The following NRIP1 variants were observed in gnomAD, a reference collection of about 807,000 sequenced individuals.
The protein encoded by NRIP1 is nuclear receptor-interacting protein 1.
NRIP1 carries 28 observed loss-of-function variants against 75.0 expected under a neutral mutation model. The observed-to-expected ratio is 0.37, with a 90% CI of 0.28 to 0.51. The LOEUF (loss-of-function observed/expected upper bound fraction) is 0.51. NRIP1 is among the 20% of genes least tolerant of loss of function. The probability of loss-of-function intolerance (pLI) is 0.92; values close to 1 mark genes in which losing one functional copy is unlikely to be tolerated. For missense variants in NRIP1, 1,435 were observed against 1,343.7 expected (o/e 1.07, Z -1.06); for synonymous variants, 526 against 487.6 (o/e 1.08, Z -1.04).
chr21:15,015,535 A>C lies in NRIP1; in HGVS notation c.-457-1069T>G, dbSNP rs373547038. Among the ~76,000 whole-genome samples the C allele has an allele frequency of 2.2e-4, 34 of 152,308 alleles. No individual in the cohort carries two copies. In the South Asian group the frequency reaches 6.8e-3, roughly 31 times the overall value. On this transcript the variant is annotated intron_variant, in intron 2 of 3. Transcript: ENST00000318948. ...AATATTTAGCCATAAGGATGTTCAA[A>C]ATACATATTATTATATTTGTGCAGT...
intron 2 of NRIP1, among the ~76,000 whole-genome samples, chr21:15,021,291 T>C (rs1275550689): frequency 1.3e-5 from 2 of 152,236 alleles, no homozygotes; most frequent in South Asian, 4.1e-4. Context: ...ATACGAAAGA[T>C]ATCTATATTG....
intron 1 of NRIP1, among the ~76,000 whole-genome samples, chr21:15,046,566 G>T (rs2089080901): frequency 6.6e-6 from 1 of 152,094 alleles, no homozygotes; most frequent in Non-Finnish European, 1.5e-5. Context: ...CCAAACATTG[G>T]TTTCCACTTC....
intron 2 of NRIP1, among the ~76,000 whole-genome samples, chr21:15,030,823 GTA>G (rs755123400): frequency 1.3e-5 from 2 of 151,590 alleles, no homozygotes; most frequent in Non-Finnish European, 2.9e-5. Context: ...CTTTCTATGT[GTA>G]TACACTCTGG....
chr21:14,994,688 A>G (rs2087672804), intron 3 of NRIP1, among the ~76,000 whole-genome samples: 1 of 152,190 alleles, frequency 6.6e-6, no homozygotes, highest in South Asian at 2.1e-4. Context: ...TTTCATTTCA[A>G]AGATACCTTA....
At chr21:15,062,439 G>A (rs903926848) in intron 1 of NRIP1, among the ~76,000 whole-genome samples, 1 of 152,170 alleles carries the variant, frequency 6.6e-6, no homozygotes, top group South Asian at 2.1e-4. Flanking sequence ...AAGATTTCTT[G>A]AATCTCTGAT....
At position 14,966,987 on chromosome 21, in the gene NRIP1, T is replaced by C. The variant is rs187265594; in HGVS notation, c.1206A>G (p.Gly402=). ...PMNGHSHSER[G]SIFEESSTPT... ...GTGTACTACTTTCCTCAAAAATGCTTCCTCTCTCACTGTGACTGTGTCCAT... is the reference window on the plus strand; with the variant it reads ...GTGTACTACTTTCCTCAAAAATGCTCCCTCTCTCACTGTGACTGTGTCCAT... The change falls in exon 4 of 4, where the codon GGA becomes GGG. Residue 402 remains glycine (G), a synonymous_variant. Coordinates refer to ENST00000318948, the MANE Select transcript of NRIP1 (RefSeq NM_003489.4). The C allele has an allele frequency of 2.1e-5, 34 of 1,614,176 alleles. No homozygotes were observed. In the Admixed American group the frequency reaches 3.7e-4, roughly 17 times the overall value.
rs963078603 is a variant in NRIP1 at position 14,961,995 on chromosome 21, A to T, written c.*2721T>A. 4 of 122,928 alleles carry T rather than the reference A, an allele frequency of 3.3e-5. No homozygotes were observed. Among genetic ancestry groups the T allele is most frequent in the South Asian group, 2.4e-4 (1 of 4,120 alleles). The allele number at this position is 122,928 out of a possible 1,614,324, so 7.6% of individuals were successfully genotyped here. A position where few individuals can be genotyped will look rare whatever the true frequency, so the allele number is the denominator to read the frequency against. On this transcript the variant is annotated 3_prime_UTR_variant, in exon 4 of 4. Transcript: ENST00000318948. Reference sequence around the variant, plus strand: ...TTTTAACATCTTCATGTAACAAGTCAATATATATATATATACATATTATAT... The same window carrying T: ...TTTTAACATCTTCATGTAACAAGTCTATATATATATATATACATATTATAT...
chr21:15,024,398 T>A (rs368904767), intron 2 of NRIP1, among the ~76,000 whole-genome samples: 1 of 152,014 alleles, frequency 6.6e-6, no homozygotes, highest in Non-Finnish European at 1.5e-5. Context: ...AAAAATTAGC[T>A]GGGTGTGGTG....
In NRIP1 at chr21:14,967,177, C is replaced by G; in HGVS notation, c.1016G>C (p.Ser339Thr). 1 of 1,614,096 alleles carries G rather than the reference C, an allele frequency of 6.2e-7. No homozygotes were observed. Among genetic ancestry groups the G allele is most frequent in the Non-Finnish European group, 8.5e-7 (1 of 1,180,014 alleles). The change falls in exon 4 of 4, where the codon AGC becomes ACC. Residue 339 changes from serine to threonine, a missense_variant. Ser to Thr is a moderately conservative substitution (Grantham distance 58). Coordinates refer to ENST00000318948, the MANE Select transcript of NRIP1 (RefSeq NM_003489.4). ...ARTSSSKLMA[S>T]KSSATVFQNP... is the part of the protein sequence containing the mutation. ...TTGAAACACTGTAGCACTACTTTTGCTAGCCATCAGTTTGCTTGATGATGT... is the reference window on the plus strand; with the variant it reads ...TTGAAACACTGTAGCACTACTTTTGGTAGCCATCAGTTTGCTTGATGATGT...
At chr21:15,037,415 C>G (rs1259836111) in intron 2 of NRIP1, among the ~76,000 whole-genome samples, 5 of 152,156 alleles carry the variant, frequency 3.3e-5, no homozygotes, top group Admixed American at 6.5e-5. Context: ...ATTTATCACC[C>G]TATATGTGGG....
intron 2 of NRIP1, among the ~76,000 whole-genome samples, chr21:15,034,964 A>G (rs937564791): frequency 6.6e-6 from 1 of 152,196 alleles, no homozygotes; most frequent in Non-Finnish European, 1.5e-5. Context: ...CATTACACTG[A>G]TGCACTTTAT....
chr21:15,062,081 G>C (rs781285603), intron 1 of NRIP1, among the ~76,000 whole-genome samples: 30 of 152,108 alleles, frequency 2.0e-4, no homozygotes, highest in Non-Finnish European at 2.6e-4. Flanking sequence ...TGTTCAACTG[G>C]TATTTAATTA....
At chr21:15,045,769 T>TAAAAACA (rs2089060032) in intron 1 of NRIP1, among the ~76,000 whole-genome samples, 1 of 152,266 alleles carries the variant, frequency 6.6e-6, no homozygotes, top group Non-Finnish European at 1.5e-5. Context: ...GCCACTGTTT[T>TAAAAACA]ATCAATTATG....
At chr21:15,009,264 G>C (rs1235612427) in intron 3 of NRIP1, among the ~76,000 whole-genome samples, 5 of 152,170 alleles carry the variant, frequency 3.3e-5, no homozygotes, top group Non-Finnish European at 7.3e-5. Flanking sequence ...CCCATCTCTA[G>C]AGTCGTTATT....
At chr21:15,004,508 C>T (rs1452124108) in intron 3 of NRIP1, among the ~76,000 whole-genome samples, 1 of 152,246 alleles carries the variant, frequency 6.6e-6, no homozygotes, top group African/African-American at 2.4e-5. Flanking sequence ...AAAGCCAATG[C>T]ACTTGGACTT....
intron 3 of NRIP1, among the ~76,000 whole-genome samples, chr21:14,970,370 AC>A (rs1486084923): frequency 8.6e-5 from 13 of 151,948 alleles, no homozygotes; most frequent in Admixed American, 5.2e-4. Flanking sequence ...AAATGGTGAA[AC>A]CCCATCTCTA....
intron 3 of NRIP1, among the ~76,000 whole-genome samples, chr21:14,975,037 G>C (rs546156721): frequency 7.9e-5 from 12 of 151,114 alleles, no homozygotes; most frequent in African/African-American, 2.4e-4. Flanking sequence ...ACCTGAGTCT[G>C]GGGAAGTCAA....
intron 1 of NRIP1, chr21:15,051,194 T>G (rs1367030778): frequency 3.6e-6 from 1 of 274,194 alleles, no homozygotes; most frequent in Non-Finnish European, 7.2e-6. Flanking sequence ...ATGAGTATAA[T>G]AAACTTTGTT....
At chr21:14,982,992 G>A (rs1003178810) in intron 3 of NRIP1, among the ~76,000 whole-genome samples, 1 of 152,004 alleles carries the variant, frequency 6.6e-6, no homozygotes, top group Admixed American at 6.6e-5. Flanking sequence ...CCACTTAGCT[G>A]TTCCCATCTC....
Sources: allele counts gnomAD v4.1 joint callset (sites outside exome capture counted in the v4.1 genomes callset), GRCh38; gene constraint gnomAD v4.1.1; transcripts MANE v1.5; gene names NCBI Gene and HGNC (gene_info 2026-07-23, HGNC 2026-07-21).